The following POU6F2 variants were observed in gnomAD, a reference collection of about 807,000 sequenced individuals.
POU6F2 encodes POU class 6 homeobox 2, also known as POU domain, class 6, transcription factor 2.
POU6F2 carries 31 observed loss-of-function variants against 71.3 expected under a neutral mutation model. The observed-to-expected ratio is 0.43, with a 90% CI of 0.33 to 0.59. The LOEUF (loss-of-function observed/expected upper bound fraction) is 0.59. Ranked by LOEUF, POU6F2 falls within the 20% of genes least tolerant of loss-of-function variation. The probability of loss-of-function intolerance (pLI) is 0.04; values close to 1 mark genes in which losing one functional copy is unlikely to be tolerated. For missense variants in POU6F2, 783 were observed against 856.8 expected (o/e 0.91, Z 1.07); for synonymous variants, 347 against 355.7 (o/e 0.98, Z 0.27).
Position 39,376,190 on chromosome 7 carries a change from T to G in POU6F2, c.973-30410T>G, listed in dbSNP as rs188377201. Among the ~76,000 whole-genome samples, 156 of 152,302 alleles carry G rather than the reference T, an allele frequency of 1.0e-3. 1 individual carries two copies. Among genetic ancestry groups the G allele is most frequent in the South Asian group, 5.0e-3 (24 of 4,824 alleles). ...CTGTTCATTTTCAATGTATTGCAAA[T>G]TGGTGATTAATTTGCCTTATAGGGT... is the stretch of plus-strand genomic sequence containing the variant. On this transcript the variant is annotated intron_variant, in intron 5 of 9. Coordinates refer to ENST00000518318, the MANE Select transcript of POU6F2 (RefSeq NM_001370959.1).
chr7:39,175,748 C>G (rs1793314410), intron 2 of POU6F2, among the ~76,000 whole-genome samples: 1 of 152,124 alleles, frequency 6.6e-6, no homozygotes, highest in Admixed American at 6.5e-5. Flanking sequence ...TATGGCCACC[C>G]TTAACACCCA....
At chr7:39,194,788 GGTC>G (rs1464606504) in intron 2 of POU6F2, among the ~76,000 whole-genome samples, 1 of 152,162 alleles carries the variant, frequency 6.6e-6, no homozygotes, top group Non-Finnish European at 1.5e-5. Flanking sequence ...TCACCGCGAA[GGTC>G]TGCAGCTTCA....
At chr7:39,373,616 A>G (rs1185088654) in intron 5 of POU6F2, 1 of 429,312 alleles carries the variant, frequency 2.3e-6, no homozygotes, top group Non-Finnish European at 4.7e-6. Context: ...GTATGCATTT[A>G]CTGGAGAAGC....
chr7:39,457,418 G>T (rs1052190206), intron 8 of POU6F2, among the ~76,000 whole-genome samples: 1 of 152,226 alleles, frequency 6.6e-6, no homozygotes, highest in Non-Finnish European at 1.5e-5. Flanking sequence ...CTTGCCATAA[G>T]TAGTGACAGT....
chr7:39,191,384 T>G (rs761310439), intron 2 of POU6F2, among the ~76,000 whole-genome samples: 6 of 152,174 alleles, frequency 3.9e-5, no homozygotes, highest in Admixed American at 6.5e-5. Flanking sequence ...GTATTTAGGG[T>G]CATTGTCTGT....
intron 4 of POU6F2, among the ~76,000 whole-genome samples, chr7:39,241,432 T>C (rs1783724036): frequency 6.6e-6 from 1 of 152,082 alleles, no homozygotes; most frequent in Non-Finnish European, 1.5e-5. Context: ...GACAGAGGGA[T>C]TTTCTGAAGA....
At chr7:39,034,036 A>G (rs1190404365) in intron 1 of POU6F2, among the ~76,000 whole-genome samples, 2 of 152,194 alleles carry the variant, frequency 1.3e-5, no homozygotes, top group African/African-American at 4.8e-5. Flanking sequence ...TTCAAGCCGT[A>G]CACGTCTGCC....
intron 7 of POU6F2, among the ~76,000 whole-genome samples, chr7:39,450,196 C>G (rs2116111562): frequency 6.6e-6 from 1 of 152,290 alleles, no homozygotes; most frequent in East Asian, 1.9e-4. Flanking sequence ...CAGGCTGGCT[C>G]TTAGGTGCTA....
At chr7:39,225,430 ACCTT>A (rs1562753999) in intron 4 of POU6F2, among the ~76,000 whole-genome samples, 2 of 152,206 alleles carry the variant, frequency 1.3e-5, no homozygotes, top group Non-Finnish European at 2.9e-5. Flanking sequence ...GCACAAGATT[ACCTT>A]TTCTAACTGA....
chr7:39,302,550 C>A, intron 4 of POU6F2, among the ~76,000 whole-genome samples: 1 of 152,216 alleles, frequency 6.6e-6, no homozygotes, highest in South Asian at 2.1e-4. Context: ...ACTATGAGAT[C>A]CTTGAAGATA....
intron 1 of POU6F2, among the ~76,000 whole-genome samples, chr7:39,015,832 TATATAATATATTATATATAGATATATATA>T (rs1562670658): frequency 4.0e-5 from 2 of 50,270 alleles, no homozygotes; most frequent in African/African-American, 1.3e-4. Context: ...TATATATAGA[TATATAATATATTATATATAGATATATATA>T]ATATATTATA....
chr7:39,015,346 TAATAG>T, intron 1 of POU6F2, among the ~76,000 whole-genome samples: 1 of 134,264 alleles, frequency 7.4e-6, no homozygotes, highest in Admixed American at 8.4e-5. Context: ...TAATATATAA[TAATAG>T]ATATATATTA....
At chr7:39,240,439 G>A (rs189361875) in intron 4 of POU6F2, among the ~76,000 whole-genome samples, 223 of 152,176 alleles carry the variant, frequency 1.5e-3, no homozygotes, top group African/African-American at 4.5e-3. Flanking sequence ...TTTGTAAATC[G>A]AAAGGGCCTT....
intron 5 of POU6F2, among the ~76,000 whole-genome samples, chr7:39,380,911 A>G (rs775926789): frequency 1.2e-4 from 19 of 152,180 alleles, no homozygotes; most frequent in Non-Finnish European, 1.8e-4. Flanking sequence ...GCCCAGGTAG[A>G]AGCACTGTGT....
chr7:39,335,910 A>G (rs1785763778), intron 4 of POU6F2, among the ~76,000 whole-genome samples: 1 of 152,120 alleles, frequency 6.6e-6, no homozygotes. Flanking sequence ...AGTAGGCACA[A>G]TGTGTTTCTC....
At chr7:39,254,826 G>A (rs1355850022) in intron 4 of POU6F2, among the ~76,000 whole-genome samples, 1 of 152,202 alleles carries the variant, frequency 6.6e-6, no homozygotes, top group East Asian at 1.9e-4. Context: ...TATCTTCTAA[G>A]AGAGGATTAA....
At chr7:39,008,465 T>C (rs1248780236) in intron 1 of POU6F2, among the ~76,000 whole-genome samples, 4 of 150,824 alleles carry the variant, frequency 2.7e-5, no homozygotes, top group Non-Finnish European at 6.0e-5. Context: ...TCTCCCATTT[T>C]GTAGGTTGCC....
chr7:39,097,345 A>G (rs150502366), intron 2 of POU6F2, among the ~76,000 whole-genome samples: 2 of 152,302 alleles, frequency 1.3e-5, no homozygotes, highest in African/African-American at 4.8e-5. Context: ...AAAATAAAAC[A>G]ATTGATGAAA....
intron 2 of POU6F2, among the ~76,000 whole-genome samples, chr7:39,131,967 G>A (rs1792294423): frequency 6.6e-6 from 1 of 152,096 alleles, no homozygotes; most frequent in Admixed American, 6.5e-5. Flanking sequence ...GGAAGATGGG[G>A]TATCCATCCC....
Sources: allele counts gnomAD v4.1 joint callset (sites outside exome capture counted in the v4.1 genomes callset), GRCh38; gene constraint gnomAD v4.1.1; transcripts MANE v1.5; gene names NCBI Gene and HGNC (gene_info 2026-07-23, HGNC 2026-07-21).